The following NPAS3 variants were observed in gnomAD, a reference collection of about 807,000 sequenced individuals.
NPAS3 encodes neuronal PAS domain-containing protein 3.
NPAS3 carries 14 observed loss-of-function variants against 73.1 expected under a neutral mutation model. That is an observed-to-expected ratio of 0.19 (90% confidence interval 0.13 to 0.30). The LOEUF (loss-of-function observed/expected upper bound fraction) is 0.30. Among genes scored for constraint, NPAS3 ranks in the 10% least tolerant of loss-of-function variants. The pLI, the probability that NPAS3 is intolerant of heterozygous loss-of-function variation, is 1.00. For missense variants in NPAS3, 1,096 were observed against 1,250.0 expected, an observed-to-expected ratio of 0.88 and a Z score of 1.86; for synonymous variants, 620 against 541.5, an observed-to-expected ratio of 1.14 and a Z score of -2.01.
intron 5 of NPAS3, among the ~76,000 whole-genome samples, chr14:33,621,850 T>C (rs142015811): frequency 6.6e-6 from 1 of 152,180 alleles, no homozygotes; most frequent in Admixed American, 6.5e-5. Context: ...ATGAAGAAAC[T>C]CTGACAGGGG....
chr14:33,311,745 G>T (rs186423753), intron 3 of NPAS3, among the ~76,000 whole-genome samples: 150 of 152,208 alleles, frequency 9.9e-4, no homozygotes, highest in African/African-American at 3.3e-3. Context: ...TCAGTCTGGT[G>T]GTGGAGGCGG....
intron 2 of NPAS3, among the ~76,000 whole-genome samples, chr14:33,073,361 G>A (rs1300733993): frequency 2.6e-5 from 4 of 152,122 alleles, no homozygotes; most frequent in Non-Finnish European, 5.9e-5. Context: ...AAATTGAGGG[G>A]AGCAGACATT....
At chr14:33,503,914 C>T (rs765103879) in intron 4 of NPAS3, among the ~76,000 whole-genome samples, 42 of 151,958 alleles carry the variant, frequency 2.8e-4, no homozygotes, top group Non-Finnish European at 5.3e-4. Context: ...CTGCTAAAAG[C>T]TAATTGGTAG....
At position 33,713,982 on chromosome 14, in the gene NPAS3, A is replaced by G. The variant is rs569475102; in HGVS notation, c.734-21232A>G. On this transcript the variant is annotated intron_variant, in intron 6 of 11. Transcript: ENST00000356141. The stretch of plus-strand genomic sequence containing the variant: ...GGCTGTTTCTTCTTCCTGGAACACT[A>G]TCTCACCGGATATCCAAAAGGGTCA... Among the ~76,000 whole-genome samples, 21 of 152,154 alleles carry G rather than the reference A, an allele frequency of 1.4e-4. No individual in the cohort carries two copies. The East Asian group carries it at 3.5e-3, about 25-fold the overall frequency.
chr14:33,117,872 G>T (rs2043116951), intron 2 of NPAS3, among the ~76,000 whole-genome samples: 1 of 152,018 alleles, frequency 6.6e-6, no homozygotes, highest in Non-Finnish European at 1.5e-5. Flanking sequence ...GTGTGTCAGT[G>T]ACTCATTTTT....
At chr14:33,240,190 T>A (rs765965523) in intron 3 of NPAS3, among the ~76,000 whole-genome samples, 24 of 151,850 alleles carry the variant, frequency 1.6e-4, no homozygotes, top group Non-Finnish European at 2.8e-4. Context: ...ATTTCTAAAA[T>A]ATATTATTCA....
At chr14:33,356,239 A>G (rs1376083245) in intron 3 of NPAS3, among the ~76,000 whole-genome samples, 1 of 152,224 alleles carries the variant, frequency 6.6e-6, no homozygotes, top group Non-Finnish European at 1.5e-5. Flanking sequence ...AATAAAAATG[A>G]CTGGCTAGTG....
chr14:33,066,450 T>A lies in NPAS3; in HGVS notation c.140+10456T>A, dbSNP rs143158561. Among the ~76,000 whole-genome samples, 107 of 152,352 alleles carry A rather than the reference T, an allele frequency of 7.0e-4. 1 individual carries two copies. The Middle Eastern group carries it at 0.01, about 15-fold the overall frequency. On this transcript the variant is annotated intron_variant, in intron 2 of 11. Coordinates refer to ENST00000356141, the Ensembl canonical transcript of NPAS3. ...TAGGAATAAAGAATGTTGTGTTTTT[T>A]ATTTTTTAATTTATCATGGTACTTG... is the stretch of plus-strand genomic sequence containing the variant.
chr14:33,695,119 A>G (rs181061072), intron 6 of NPAS3, among the ~76,000 whole-genome samples: 4 of 152,338 alleles, frequency 2.6e-5, no homozygotes, highest in Non-Finnish European at 5.9e-5. Context: ...ATGACCTCAC[A>G]GAACCACATG....
chr14:33,197,322 A>G lies in NPAS3; in HGVS notation c.141-17860A>G, dbSNP rs1433253529. Among the ~76,000 whole-genome samples, 20 of 151,892 alleles carry G rather than the reference A, an allele frequency of 1.3e-4. 1 individual carries two copies. The highest frequency in any genetic ancestry group is 4.4e-5 in the Non-Finnish European group (3 of 67,992). On this transcript the variant is annotated intron_variant, in intron 2 of 11. Transcript: ENST00000356141. ...TCAGTCCTAGAAGCTACAGATGAAG[A>G]GCAGTACCTGAGCCTCACATAGGAA... is the stretch of plus-strand genomic sequence containing the variant.
intron 6 of NPAS3, among the ~76,000 whole-genome samples, chr14:33,708,847 C>A (rs2140484247): frequency 6.6e-6 from 1 of 152,258 alleles, no homozygotes; most frequent in East Asian, 1.9e-4. Flanking sequence ...CACTGCTGTC[C>A]TGAGTGTGTG....
chr14:33,535,016 TC>T (rs567626373), intron 4 of NPAS3, among the ~76,000 whole-genome samples: 6 of 152,200 alleles, frequency 3.9e-5, no homozygotes, highest in Non-Finnish European at 8.8e-5. Flanking sequence ...TTGCTATTTT[TC>T]TCAGAGGATT....
intron 3 of NPAS3, among the ~76,000 whole-genome samples, chr14:33,265,827 A>G (rs1395103304): frequency 1.3e-5 from 2 of 152,092 alleles, no homozygotes; most frequent in East Asian, 3.8e-4. Flanking sequence ...TGGCTTTCTG[A>G]TAGTCTATCA....
At chr14:33,452,493 C>T (rs1209556474) in intron 4 of NPAS3, among the ~76,000 whole-genome samples, 1 of 152,018 alleles carries the variant, frequency 6.6e-6, no homozygotes, top group Non-Finnish European at 1.5e-5. Context: ...CAAGTCATGG[C>T]CGGGCGTGTT....
In NPAS3 at chr14:33,424,997, G is replaced by A. The variant is rs2048498648; in HGVS notation, c.468+57729G>A. 2.6e-5 allele frequency among the ~76,000 whole-genome samples: 4 copies of A among 151,986 alleles called. No homozygotes were observed. The South Asian group carries it at 8.3e-4, about 32-fold the overall frequency. The stretch of plus-strand genomic sequence containing the variant: ...ACTTAAAGATTGTGGGAAAGAATTA[G>A]CAGTGATAGAGATGTAGAAGGAAAA... On this transcript the variant is annotated intron_variant, in intron 4 of 11. Coordinates refer to ENST00000356141, the Ensembl canonical transcript of NPAS3.
At chr14:33,470,720 T>C (rs1377907311) in intron 4 of NPAS3, among the ~76,000 whole-genome samples, 3 of 152,180 alleles carry the variant, frequency 2.0e-5, no homozygotes, top group Non-Finnish European at 4.4e-5. Context: ...AAGAGCCATG[T>C]TGGATTTTTT....
chr14:33,661,428 A>G (rs2059305740), intron 5 of NPAS3, among the ~76,000 whole-genome samples: 1 of 152,198 alleles, frequency 6.6e-6, no homozygotes, highest in Non-Finnish European at 1.5e-5. Flanking sequence ...CTCATTTCCA[A>G]TGCAAAAGCT....
At chr14:33,799,157 T>A (rs1595638882) in intron 11 of NPAS3, among the ~76,000 whole-genome samples, 1 of 151,562 alleles carries the variant, frequency 6.6e-6, no homozygotes, top group Non-Finnish European at 1.5e-5. Context: ...ATAATAATAA[T>A]AAATAATAAA....
At chr14:33,770,735 A>G (rs1161160879) in intron 7 of NPAS3, among the ~76,000 whole-genome samples, 3 of 152,190 alleles carry the variant, frequency 2.0e-5, no homozygotes, top group Non-Finnish European at 4.4e-5. Context: ...CCCAGTCTCT[A>G]CTAAAAATAC....
Sources: gnomAD v4.1 joint callset for allele counts (sites outside exome capture counted in the v4.1 genomes callset) on GRCh38, gnomAD v4.1.1 for gene constraint, MANE v1.5 for transcripts, NCBI Gene and HGNC (gene_info 2026-07-23, HGNC 2026-07-21) for gene names.